Variants in TMEM182 observed in about 807,000 individuals in gnomAD.
TMEM182 encodes transmembrane protein 182.
TMEM182 carries 20 observed loss-of-function variants against 26.8 expected under a neutral mutation model. The observed-to-expected ratio is 0.75, with a 90% CI of 0.53 to 1.09. The LOEUF (loss-of-function observed/expected upper bound fraction) is 1.09. Ranked by LOEUF, TMEM182 falls within the 50% of genes least tolerant of loss-of-function variation. The probability of loss-of-function intolerance (pLI) is 0.00; values close to 1 mark genes in which losing one functional copy is unlikely to be tolerated. For missense variants in TMEM182, 277 were observed against 275.5 expected (o/e 1.01, Z -0.04); for synonymous variants, 109 against 102.2 (o/e 1.07, Z -0.40).
chr2:102,822,529 C>T (rs564187403), downstream of TMEM182, among the ~76,000 whole-genome samples: 205 of 151,778 alleles, frequency 1.4e-3, no homozygotes, highest in African/African-American at 4.6e-3. Context: ...GGTATAGGGG[C>T]GGGAATGGAA....
chr2:102,801,801 T>C (rs1682153099), intron 4 of TMEM182, among the ~76,000 whole-genome samples: 1 of 152,244 alleles, frequency 6.6e-6, no homozygotes, highest in African/African-American at 2.4e-5. Flanking sequence ...ACAAGGCTTT[T>C]CCTGGGTCTG....
intron 3 of TMEM182, among the ~76,000 whole-genome samples, chr2:102,778,848 C>G (rs902182996): frequency 6.6e-6 from 1 of 152,136 alleles, no homozygotes; most frequent in East Asian, 1.9e-4. Flanking sequence ...ACATCTTACT[C>G]TTTTTGCTTC....
chr2:102,753,686 A>T (rs912889909), intron 1 of TMEM182, among the ~76,000 whole-genome samples: 2 of 152,186 alleles, frequency 1.3e-5, no homozygotes, highest in African/African-American at 4.8e-5. Flanking sequence ...TTCATTTTTG[A>T]TAGATAAAAA....
chr2:102,764,379 C>T lies in TMEM182; in HGVS notation c.283C>T (p.Pro95Ser). 7 of 1,613,920 alleles carry T rather than the reference C, an allele frequency of 4.3e-6. No individual in the cohort carries two copies. The highest frequency in any genetic ancestry group is 5.9e-6 in the Non-Finnish European group (7 of 1,179,902). The part of the protein sequence containing the change: ...NCTHAYLSPY[P>S]FMRGEHNSTS... ...CACACATGCTTACCTGTCTCCGTAC[C>T]CCTTCATGAGAGGCGAGCACAACTC... The change falls in exon 3 of 5, where the codon CCC becomes TCC. Residue 95 changes from proline to serine, a missense_variant. Pro to Ser is a moderately conservative substitution (Grantham distance 74). Transcript: ENST00000412401.
intron 3 of TMEM182, among the ~76,000 whole-genome samples, chr2:102,835,574 C>T (rs1343372057): frequency 1.3e-5 from 2 of 152,204 alleles, no homozygotes; most frequent in Non-Finnish European, 1.5e-5. Context: ...GGAATTGTTT[C>T]ACTGCCCTAA....
At chr2:102,793,591 A>G (rs1185385283) in intron 3 of TMEM182, among the ~76,000 whole-genome samples, 1 of 152,236 alleles carries the variant, frequency 6.6e-6, no homozygotes, top group Admixed American at 6.5e-5. Context: ...AAAATGGCAT[A>G]GTATTTGCAT....
At chr2:102,775,697 G>A (rs1680885494) in intron 3 of TMEM182, among the ~76,000 whole-genome samples, 1 of 152,056 alleles carries the variant, frequency 6.6e-6, no homozygotes, top group African/African-American at 2.4e-5. Flanking sequence ...AAAGTCTCAG[G>A]ATACAAAATC....
At chr2:102,809,611 G>T (rs1170530660) in intron 4 of TMEM182, among the ~76,000 whole-genome samples, 1 of 152,158 alleles carries the variant, frequency 6.6e-6, no homozygotes, top group Non-Finnish European at 1.5e-5. Context: ...TGCTCTCAGG[G>T]TTCAGTCTGA....
chr2:102,739,957 G>C (rs1330907625), intron 1 of TMEM182, among the ~76,000 whole-genome samples: 1 of 152,006 alleles, frequency 6.6e-6, no homozygotes, highest in South Asian at 2.1e-4. Flanking sequence ...ATTGTAATAG[G>C]CTAACTTAGT....
chr2:102,767,075 A>G (rs907625196), intron 3 of TMEM182, among the ~76,000 whole-genome samples: 8 of 152,232 alleles, frequency 5.3e-5, no homozygotes, highest in African/African-American at 1.7e-4. Flanking sequence ...ATAATCTACT[A>G]AACTACAATG....
intron 3 of TMEM182, among the ~76,000 whole-genome samples, chr2:102,778,957 T>A (rs1053292719): frequency 3.9e-5 from 6 of 152,156 alleles, no homozygotes; most frequent in African/African-American, 1.4e-4. Context: ...TTTCTGGTGT[T>A]TTTCTGTTAT....
intron 1 of TMEM182, among the ~76,000 whole-genome samples, chr2:102,751,262 T>C (rs985771971): frequency 6.6e-6 from 1 of 151,858 alleles, no homozygotes; most frequent in Non-Finnish European, 1.5e-5. Flanking sequence ...GAGGAGGCGG[T>C]GTCTGATTGG....
At chr2:102,804,175 C>A (rs1307666154) in intron 4 of TMEM182, among the ~76,000 whole-genome samples, 2 of 150,876 alleles carry the variant, frequency 1.3e-5, no homozygotes, top group Non-Finnish European at 3.0e-5. Context: ...AACAATTTTT[C>A]CATAGGTTAT....
chr2:102,800,402 G>A (rs1371334400), intron 4 of TMEM182, among the ~76,000 whole-genome samples: 2 of 152,144 alleles, frequency 1.3e-5, no homozygotes, highest in Non-Finnish European at 2.9e-5. Context: ...GGACTTTTGT[G>A]TCTGGCTTTT....
chr2:102,827,584 G>A (rs188618114), intron 3 of TMEM182, among the ~76,000 whole-genome samples: 5 of 152,122 alleles, frequency 3.3e-5, no homozygotes, highest in Admixed American at 6.5e-5. Flanking sequence ...GAAGTACTTC[G>A]TGCATCACTG....
chr2:102,818,239 A>G (rs1307044936), downstream of TMEM182, among the ~76,000 whole-genome samples: 1 of 152,220 alleles, frequency 6.6e-6, no homozygotes, highest in Non-Finnish European at 1.5e-5. Flanking sequence ...TGAAGGAGTT[A>G]AATATATGGA....
At chr2:102,758,169 G>A (rs1680103528), upstream of TMEM182, among the ~76,000 whole-genome samples, 2 of 152,172 alleles carry the variant, frequency 1.3e-5, no homozygotes, top group South Asian at 4.1e-4. Context: ...ATTATTAGGA[G>A]TTGAGGTTGA....
chr2:102,806,699 ATTAG>A (rs1268436915), intron 4 of TMEM182, among the ~76,000 whole-genome samples: 1 of 152,178 alleles, frequency 6.6e-6, no homozygotes, highest in Non-Finnish European at 1.5e-5. Context: ...GCCCATGCTT[ATTAG>A]TTGTTTGTCA....
intron 2 of TMEM182, among the ~76,000 whole-genome samples, chr2:102,763,459 A>G (rs535860207): frequency 6.6e-6 from 1 of 152,308 alleles, no homozygotes; most frequent in South Asian, 2.1e-4. Context: ...TTCTTATCAA[A>G]AATCAAAGTA....
Sources: gnomAD v4.1 joint callset for allele counts (sites outside exome capture counted in the v4.1 genomes callset) on GRCh38, gnomAD v4.1.1 for gene constraint, MANE v1.5 for transcripts, NCBI Gene and HGNC (gene_info 2026-07-23, HGNC 2026-07-21) for gene names.